Variants in PARD3 observed in about 807,000 individuals in gnomAD.
PARD3 encodes par-3 family cell polarity regulator.
Under a neutral mutation model 155.4 loss-of-function variants are expected in PARD3, and 75 were observed. The ratio of observed to expected loss-of-function variants is 0.48; its 90% CI spans 0.40 to 0.58. The LOEUF is 0.58. Ranked by LOEUF, PARD3 falls within the 20% of genes least tolerant of loss-of-function variation. The probability of loss-of-function intolerance (pLI) is 0.00; values close to 1 mark genes in which losing one functional copy is unlikely to be tolerated. For synonymous variants in PARD3, 576 were observed against 610.5 expected (o/e 0.94, Z 0.83); for missense variants, 1,642 against 1,721.7 (o/e 0.95, Z 0.82).
At chr10:34,190,841 G>A (rs781674287) in intron 22 of PARD3, among the ~76,000 whole-genome samples, 2 of 152,216 alleles carry the variant, frequency 1.3e-5, no homozygotes, top group South Asian at 2.1e-4. Flanking sequence ...GGAGGATGCC[G>A]GTGGGGAGGA....
At chr10:34,736,711 A>C (rs141276151) in intron 1 of PARD3, among the ~76,000 whole-genome samples, 2 of 151,436 alleles carry the variant, frequency 1.3e-5, no homozygotes, top group Admixed American at 1.3e-4. Context: ...GTCTTGCTCT[A>C]TTGCCCTGGC....
At chr10:34,522,051 C>A (rs145327403) in intron 2 of PARD3, among the ~76,000 whole-genome samples, 1 of 152,202 alleles carries the variant, frequency 6.6e-6, no homozygotes, top group African/African-American at 2.4e-5. Context: ...CTCCTGGAAC[C>A]AGTGAATGTT....
intron 2 of PARD3, among the ~76,000 whole-genome samples, chr10:34,662,197 C>T (rs1354493506): frequency 6.6e-6 from 1 of 152,116 alleles, no homozygotes; most frequent in Non-Finnish European, 1.5e-5. Flanking sequence ...ATCAAAACTA[C>T]AATGAGATAT....
intron 5 of PARD3, among the ~76,000 whole-genome samples, chr10:34,418,536 G>A (rs1040980589): frequency 6.6e-6 from 1 of 152,090 alleles, no homozygotes; most frequent in East Asian, 1.9e-4. Flanking sequence ...CTGTTACTCT[G>A]CAAGCCTTAA....
intron 1 of PARD3, among the ~76,000 whole-genome samples, chr10:34,808,314 A>T (rs1843657494): frequency 6.6e-6 from 1 of 151,814 alleles, no homozygotes. Flanking sequence ...TGTCTCAAAA[A>T]AAACAAAAGA....
intron 2 of PARD3, among the ~76,000 whole-genome samples, chr10:34,560,789 TTAAA>T (rs984788991): frequency 6.6e-6 from 1 of 152,178 alleles, no homozygotes; most frequent in African/African-American, 2.4e-5. Flanking sequence ...GACAATGGTG[TTAAA>T]TAAATTATGA....
chr10:34,653,058 A>G (rs2093062194), intron 2 of PARD3, among the ~76,000 whole-genome samples: 1 of 152,230 alleles, frequency 6.6e-6, no homozygotes, highest in Admixed American at 6.5e-5. Context: ...CACATGCTTA[A>G]GAGAACAAAG....
chr10:34,455,502 A>T (rs1448642476), intron 4 of PARD3, among the ~76,000 whole-genome samples: 1 of 151,688 alleles, frequency 6.6e-6, no homozygotes, highest in Non-Finnish European at 1.5e-5. Flanking sequence ...GCTTAGAATG[A>T]TTTTTTTTGA....
At chr10:34,471,249 C>A (rs2078327299) in intron 3 of PARD3, among the ~76,000 whole-genome samples, 1 of 152,160 alleles carries the variant, frequency 6.6e-6, no homozygotes, top group Non-Finnish European at 1.5e-5. Context: ...CATAGAAGAG[C>A]TTGCTTGCAA....
chr10:34,608,440 A>G (rs997440228), intron 2 of PARD3, among the ~76,000 whole-genome samples: 5 of 152,068 alleles, frequency 3.3e-5, no homozygotes, highest in Admixed American at 2.0e-4. Context: ...CACCACCACA[A>G]TCAGCTCTCT....
At chr10:34,705,339 T>A (rs1428024683) in intron 1 of PARD3, among the ~76,000 whole-genome samples, 1 of 152,112 alleles carries the variant, frequency 6.6e-6, no homozygotes, top group East Asian at 1.9e-4. Context: ...GGTTTTTTAA[T>A]TAGCTGGGCA....
chr10:34,456,306 T>C (rs1027902295), intron 4 of PARD3, among the ~76,000 whole-genome samples: 2 of 152,164 alleles, frequency 1.3e-5, no homozygotes, highest in South Asian at 2.1e-4. Context: ...CAATTTTCTT[T>C]TTTTTCTGAG....
At chr10:34,312,902 T>C (rs1408983412) in intron 20 of PARD3, among the ~76,000 whole-genome samples, 1 of 152,180 alleles carries the variant, frequency 6.6e-6, no homozygotes, top group Non-Finnish European at 1.5e-5. Context: ...ACACTTACTC[T>C]AGGGCTCACA....
At chr10:34,230,797 G>GCT (rs2133566258) in intron 22 of PARD3, among the ~76,000 whole-genome samples, 1 of 152,246 alleles carries the variant, frequency 6.6e-6, no homozygotes, top group Non-Finnish European at 1.5e-5. Flanking sequence ...GGAGGCTAGG[G>GCT]CGGGAGGATC....
chr10:34,804,585 T>C (rs942853899), intron 1 of PARD3, among the ~76,000 whole-genome samples: 1 of 152,252 alleles, frequency 6.6e-6, no homozygotes, highest in Non-Finnish European at 1.5e-5. Context: ...TATTCACATA[T>C]GGTTTTGCAC....
At chr10:34,172,758 A>C (rs4285824) in intron 22 of PARD3, among the ~76,000 whole-genome samples, 6,154 of 143,712 alleles carry the variant, frequency 0.043, 197 homozygotes, top group African/African-American at 0.088. Context: ...ACAAAAAAAA[A>C]AACAAAAAAA....
chr10:34,435,607 T>C (rs2076148044), intron 5 of PARD3, among the ~76,000 whole-genome samples: 1 of 152,212 alleles, frequency 6.6e-6, no homozygotes, highest in Non-Finnish European at 1.5e-5. Context: ...GTGTGCTTTC[T>C]TCAGTGAACC....
intron 20 of PARD3, among the ~76,000 whole-genome samples, chr10:34,303,825 A>G (rs997740672): frequency 3.9e-5 from 6 of 152,166 alleles, no homozygotes; most frequent in African/African-American, 1.4e-4. Context: ...TGAGGTGGAG[A>G]GGAAGACAAG....
At chr10:34,462,208 C>T (rs945043004) in intron 4 of PARD3, among the ~76,000 whole-genome samples, 3 of 152,118 alleles carry the variant, frequency 2.0e-5, no homozygotes, top group Admixed American at 1.3e-4. Flanking sequence ...AAACTAATGC[C>T]GCAGAAAATT....
Sources: gnomAD v4.1 joint callset for allele counts (sites outside exome capture counted in the v4.1 genomes callset) on GRCh38, gnomAD v4.1.1 for gene constraint, MANE v1.5 for transcripts, NCBI Gene and HGNC (gene_info 2026-07-23, HGNC 2026-07-21) for gene names.